SYN3: variants seen among roughly 807,000 people sequenced by gnomAD.
SYN3 encodes the protein synapsin III, also known as synapsin-3.
A neutral mutation model predicts 65.8 loss-of-function variants in SYN3; 35 were observed. The observed-to-expected ratio is 0.53, with a 90% CI of 0.41 to 0.70. The LOEUF (loss-of-function observed/expected upper bound fraction) is 0.70, where lower values mean the gene tolerates loss of function less well. SYN3 is among the 30% of genes least tolerant of loss of function. The pLI, the probability that SYN3 is intolerant of heterozygous loss-of-function variation, is 0.00. For synonymous variants in SYN3, 270 were observed against 292.9 expected (o/e 0.92, Z 0.80); for missense variants, 680 against 749.0 (o/e 0.91, Z 1.08).
chr22:32,908,472 C>T (rs954661735), intron 4 of SYN3, among the ~76,000 whole-genome samples: 1 of 149,738 alleles, frequency 6.7e-6, no homozygotes, highest in African/African-American at 2.5e-5. Context: ...CTCACTGCAA[C>T]CTTTTAACTC....
chr22:32,608,961 T>C (rs1438024209), intron 6 of SYN3, among the ~76,000 whole-genome samples: 3 of 152,200 alleles, frequency 2.0e-5, no homozygotes, highest in Non-Finnish European at 4.4e-5. Flanking sequence ...TTTTTTCTTC[T>C]TCTTTTTTTT....
intron 6 of SYN3, among the ~76,000 whole-genome samples, chr22:32,629,410 A>G (rs996899976): frequency 4.6e-5 from 7 of 152,206 alleles, no homozygotes; most frequent in African/African-American, 1.2e-4. Flanking sequence ...TATCCTTGTT[A>G]TATACAAAAA....
At chr22:32,993,644 CA>C (rs2052791500) in intron 2 of SYN3, among the ~76,000 whole-genome samples, 1 of 152,174 alleles carries the variant, frequency 6.6e-6, no homozygotes. Flanking sequence ...ATGCCCGGCC[CA>C]AAGTCTATTT....
rs747116076 is a variant in SYN3 at position 32,679,839 on chromosome 22, C to CTTTTTTTTTT, written c.712-83113_712-83104dup. 1.8e-3 allele frequency among the ~76,000 whole-genome samples: 71 copies of CTTTTTTTTTT among 39,142 alleles called. 6 individuals carry two copies. Among genetic ancestry groups the CTTTTTTTTTT allele is most frequent in the African/African-American group, 6.1e-3 (67 of 10,980 alleles). The allele number at this position is 39,142 out of a possible 152,430, so 25.7% of individuals were successfully genotyped here. On this transcript the variant is annotated intron_variant, in intron 6 of 13. Transcript: ENST00000358763. Reference sequence around the variant, plus strand: ...AAACTGGGTGAGGTTTGTTTTTTGGCTTTTTTTTTTTTTTTTTTTGCTATT... The same window carrying CTTTTTTTTTT: ...AAACTGGGTGAGGTTTGTTTTTTGGCTTTTTTTTTTTTTTTTTTTTTTTTTTTTTGCTATT...
In SYN3 at chr22:32,787,275, T is replaced by C. The variant is rs1018619441; in HGVS notation, c.711+77640A>G. ...GTTGGCCAGGCTGGTCTCAAATTCC[T>C]GACCTCAAGTGATCCTCTTGCTTCA... On this transcript the variant is annotated intron_variant, in intron 6 of 13. Transcript: ENST00000358763. Among the ~76,000 whole-genome samples the C allele has an allele frequency of 2.6e-5, 4 of 152,114 alleles. No individual in the cohort carries two copies. The South Asian group carries it at 6.2e-4, about 24-fold the overall frequency.
At chr22:32,782,409 C>T (rs1162549022) in intron 6 of SYN3, among the ~76,000 whole-genome samples, 1 of 151,864 alleles carries the variant, frequency 6.6e-6, no homozygotes, top group Non-Finnish European at 1.5e-5. Flanking sequence ...ACCATGATGA[C>T]CAGGCTGGTC....
intron 4 of SYN3, among the ~76,000 whole-genome samples, chr22:32,908,694 G>A (rs983113830): frequency 1.3e-5 from 2 of 152,128 alleles, no homozygotes; most frequent in Non-Finnish European, 2.9e-5. Flanking sequence ...ATGCCATAAT[G>A]ATAGAGTTAA....
intron 3 of SYN3, among the ~76,000 whole-genome samples, chr22:32,935,363 G>T (rs1484684824): frequency 1.3e-5 from 2 of 149,132 alleles, no homozygotes; most frequent in Non-Finnish European, 1.5e-5. Flanking sequence ...CGCAAAAAAC[G>T]CTACTATCAG....
chr22:32,519,385 A>T lies in SYN3; in HGVS notation c.1319-1051T>A, dbSNP rs143359822. ...GAAACAACGACAAGAATTAACTCTTACTTTTTGAGTTGCTCTCTAAACTTT... is the reference window on the plus strand; with the variant it reads ...GAAACAACGACAAGAATTAACTCTTTCTTTTTGAGTTGCTCTCTAAACTTT... On this transcript the variant is annotated intron_variant, in intron 12 of 13. Coordinates refer to ENST00000358763, the MANE Select transcript of SYN3 (RefSeq NM_003490.4). 565 of 152,020 alleles carry T rather than the reference A, an allele frequency of 3.7e-3. 4 individuals are homozygous for T. The highest frequency in any genetic ancestry group is 0.013 in the African/African-American group (539 of 41,406). The allele number at this position is 152,020 out of a possible 1,614,324, so 9.4% of individuals were successfully genotyped here. A position where few individuals can be genotyped will look rare whatever the true frequency, so the allele number is the denominator to read the frequency against.
chr22:32,940,387 AT>A (rs137562), intron 3 of SYN3, among the ~76,000 whole-genome samples: 9 of 151,536 alleles, frequency 5.9e-5, no homozygotes, highest in African/African-American at 2.2e-4. Context: ...ACAATTTAGT[AT>A]TTTTTTTACA....
At chr22:32,920,414 C>T (rs190994336) in intron 4 of SYN3, among the ~76,000 whole-genome samples, 8 of 152,246 alleles carry the variant, frequency 5.3e-5, no homozygotes, top group South Asian at 2.1e-4. Context: ...TAACATGCCC[C>T]GGGATGGCCC....
chr22:32,881,898 A>G (rs189433855), intron 4 of SYN3, among the ~76,000 whole-genome samples: 3 of 152,232 alleles, frequency 2.0e-5, no homozygotes, highest in African/African-American at 7.2e-5. Context: ...TCTACTAAAA[A>G]TACAAAAATT....
At chr22:32,661,715 T>C (rs1239438351) in intron 6 of SYN3, among the ~76,000 whole-genome samples, 2 of 152,124 alleles carry the variant, frequency 1.3e-5, no homozygotes, top group African/African-American at 4.8e-5. Flanking sequence ...ACCTTTCTTG[T>C]CAACACCAAC....
At chr22:32,910,491 T>C (rs1360735748) in intron 4 of SYN3, among the ~76,000 whole-genome samples, 1 of 152,130 alleles carries the variant, frequency 6.6e-6, no homozygotes, top group Non-Finnish European at 1.5e-5. Context: ...ATAACAGCAA[T>C]GGCTATTATT....
At chr22:32,704,079 T>A (rs886539262) in intron 6 of SYN3, among the ~76,000 whole-genome samples, 3 of 152,198 alleles carry the variant, frequency 2.0e-5, no homozygotes, top group Non-Finnish European at 4.4e-5. Flanking sequence ...TTTAAAAGAC[T>A]TTTAGGTTCA....
intron 4 of SYN3, among the ~76,000 whole-genome samples, chr22:32,912,429 C>T (rs1201666749): frequency 6.6e-6 from 1 of 151,994 alleles, no homozygotes; most frequent in South Asian, 2.1e-4. Context: ...AAAGCACTCA[C>T]TCTTGGCTGG....
At chr22:32,576,902 G>A (rs201110287) in intron 7 of SYN3, among the ~76,000 whole-genome samples, 1 of 150,278 alleles carries the variant, frequency 6.7e-6, no homozygotes, top group East Asian at 2.0e-4. Flanking sequence ...AAACCCACCA[G>A]TGGGTCTCTC....
intron 6 of SYN3, among the ~76,000 whole-genome samples, chr22:32,784,533 G>C (rs1358550828): frequency 6.6e-6 from 1 of 152,220 alleles, no homozygotes; most frequent in African/African-American, 2.4e-5. Context: ...TGAAACTGCA[G>C]CCCTGGCTGA....
chr22:32,961,319 A>ATCTC (rs144339107), intron 3 of SYN3, among the ~76,000 whole-genome samples: 31 of 148,786 alleles, frequency 2.1e-4, no homozygotes, highest in Non-Finnish European at 2.8e-4. Context: ...TCTTTCTAGC[A>ATCTC]TCTCTCTCTC....
Sources: allele counts gnomAD v4.1 joint callset (sites outside exome capture counted in the v4.1 genomes callset), GRCh38; gene constraint gnomAD v4.1.1; transcripts MANE v1.5; gene names NCBI Gene and HGNC (gene_info 2026-07-23, HGNC 2026-07-21).